DNAJB2: variants seen among roughly 807,000 people sequenced by gnomAD.
DNAJB2 encodes the protein DnaJ heat shock protein family (Hsp40) member B2.
A neutral mutation model predicts 33.3 loss-of-function variants in DNAJB2; 19 were observed. That is an observed-to-expected ratio of 0.57 (90% confidence interval 0.40 to 0.84). The LOEUF (loss-of-function observed/expected upper bound fraction) is 0.84, where lower values mean the gene tolerates loss of function less well. Ranked by LOEUF, DNAJB2 falls within the 40% of genes least tolerant of loss-of-function variation. The pLI is 0.00. For synonymous variants in DNAJB2, 172 were observed against 164.6 expected (o/e 1.04, Z -0.34); for missense variants, 368 against 430.9 (o/e 0.85, Z 1.29).
chr2:219,285,719 C>A lies in DNAJB2; in HGVS notation c.*732C>A, dbSNP rs1253895701. On this transcript the variant is annotated 3_prime_UTR_variant, in exon 9 of 9. Transcript: ENST00000336576. The stretch of plus-strand genomic sequence containing the variant: ...CAGCTGTCCAGATTCAGAACTGGAG[C>A]CCACTCCTCCTCCCTCTCGTTGCCT... 2 of 1,250,092 alleles carry A rather than the reference C, an allele frequency of 1.6e-6. No individual in the cohort carries two copies. Among genetic ancestry groups the A allele is most frequent in the African/African-American group, 1.5e-5 (1 of 65,976 alleles). 77.4% of individuals were successfully genotyped at this position (1,250,092 alleles called of 1,614,324 possible).
Position 219,285,145 on chromosome 2 carries a change from C to T in DNAJB2, c.*158C>T, listed in dbSNP as rs1350259799. 1 of 1,361,890 alleles carries T rather than the reference C, an allele frequency of 7.3e-7. No individual in the cohort carries two copies. Among genetic ancestry groups the T allele is most frequent in the Non-Finnish European group, 9.5e-7 (1 of 1,054,492 alleles). The allele number at this position is 1,361,890 out of a possible 1,614,324, so 84.4% of individuals were successfully genotyped here. ...CAGGCCCCCCACACCCCAGTGTGGA[C>T]TTGGGATTTGCTGTGCTCAGCCCAG... On this transcript the variant is annotated 3_prime_UTR_variant, in exon 9 of 9. Transcript: ENST00000336576.
chr2:219,281,929 G>A lies in DNAJB2; in HGVS notation c.230-10G>A, dbSNP rs3731897. On this transcript the variant is annotated splice_polypyrimidine_tract_variant and intron_variant, in intron 4 of 8. Transcript: ENST00000336576. Reference sequence around the variant, plus strand: ...ATGCCCTAAGCTCTCTCCTCATCCTGCCTTTCCAGGAACTGGCCCATCTCG... The same window carrying A: ...ATGCCCTAAGCTCTCTCCTCATCCTACCTTTCCAGGAACTGGCCCATCTCG... 261,227 of 1,613,740 alleles carry A rather than the reference G, an allele frequency of 0.16. 22,708 individuals are homozygous for A. The highest frequency in any genetic ancestry group is 0.27 in the Middle Eastern group (1,599 of 6,020).
Position 219,285,707 on chromosome 2 carries a change from T to G in DNAJB2, c.*720T>G. ...GCGGGAGCCTCTCAGCTGTCCAGAT[T>G]CAGAACTGGAGCCCACTCCTCCTCC... On this transcript the variant is annotated 3_prime_UTR_variant, in exon 9 of 9. Coordinates refer to ENST00000336576, the MANE Select transcript of DNAJB2 (RefSeq NM_006736.6). 2 of 1,225,714 alleles carry G rather than the reference T, an allele frequency of 1.6e-6. No individual in the cohort carries two copies. Among genetic ancestry groups the G allele is most frequent in the Non-Finnish European group, 2.0e-6 (2 of 977,932 alleles). 75.9% of individuals were successfully genotyped at this position (1,225,714 alleles called of 1,614,324 possible).
rs1951937115 is a variant in DNAJB2, at chr2:219,284,640, G to T, written c.628G>T (p.Asp210Tyr). The T allele has an allele frequency of 6.3e-7, 1 of 1,586,200 alleles. No individual in the cohort carries two copies. The highest frequency in any genetic ancestry group is 8.6e-7 in the Non-Finnish European group (1 of 1,161,900). Reference protein sequence around the residue: ...LKSVTINGVPDDLALGLELSR... With the variant: ...LKSVTINGVPYDLALGLELSR... ...GGCTGTGACTCTTGCAGGTGTCCCA[G>T]ATGACCTGGCACTGGGCTTGGAGCT... is the stretch of plus-strand genomic sequence containing the variant. The change falls in exon 9 of 9, where the codon GAT becomes TAT. Residue 210 changes from aspartate to tyrosine, a missense_variant. Physicochemically the swap from Asp to Tyr is radical, Grantham distance 160 (BLOSUM62 -3). Coordinates refer to ENST00000336576, the MANE Select transcript of DNAJB2 (RefSeq NM_006736.6).
chr2:219,283,387 G>C (rs1250896266), intron 7 of DNAJB2, 32 bp from the exon 8 acceptor site: 1 of 1,612,032 alleles, frequency 6.2e-7, no homozygotes. Flanking sequence ...TTCTGTCACT[G>C]CTCGTTGCCT....
chr2:219,282,293 T>TACTTGTA (rs1456200402), intron 5 of DNAJB2: 3 of 595,310 alleles, frequency 5.0e-6, no homozygotes, highest in Non-Finnish European at 8.8e-6. Flanking sequence ...ACAACAATAA[T>TACTTGTA]ACATTGTTAG....
At position 219,280,696 on chromosome 2, in the gene DNAJB2, C is replaced by A. The variant is rs776887529; in HGVS notation, c.175+9C>A. 6.2e-7 allele frequency: 1 copy of A among 1,600,418 alleles called. No individual in the cohort carries two copies. The highest frequency in any genetic ancestry group is 1.3e-5 in the African/African-American group (1 of 74,760). On this transcript the variant is annotated intron_variant, in intron 3 of 8. Coordinates refer to ENST00000336576, the MANE Select transcript of DNAJB2 (RefSeq NM_006736.6). ...TGAAGTGCTGTCTGACAGTAAGGGC[C>A]GGGGTCAGGCAGGACCCAGCACATC...
At chr2:219,280,548 G>A (rs1352861475) in intron 2 of DNAJB2, 30 bp from the exon 3 acceptor site, 30 of 1,578,554 alleles carry the variant, frequency 1.9e-5, no homozygotes, top group East Asian at 9.0e-5. Flanking sequence ...TTTGTCCCCC[G>A]ACTCTCTCCT....
At chr2:219,284,539 C>T in intron 8 of DNAJB2, 93 bp from the exon 9 acceptor site, 1 of 1,457,340 alleles carries the variant, frequency 6.9e-7, no homozygotes, top group East Asian at 2.3e-5. Flanking sequence ...AAATAAGAGA[C>T]TCTAAGTGGT....
Position 219,281,095 on chromosome 2 carries a change from T to G in DNAJB2, c.175+408T>G, listed in dbSNP as rs371981266. On this transcript the variant is annotated intron_variant, in intron 3 of 8. Coordinates refer to ENST00000336576, the MANE Select transcript of DNAJB2 (RefSeq NM_006736.6). Reference sequence around the variant, plus strand: ...CTGGAATATGAATCCAGGTCTGCCTTTTTATTGATTCATTCGAAAAGTAAT... The same window carrying G: ...CTGGAATATGAATCCAGGTCTGCCTGTTTATTGATTCATTCGAAAAGTAAT... 1.2e-3 allele frequency: 249 copies of G among 199,426 alleles called. 2 individuals are homozygous for G. In the South Asian group the frequency reaches 0.013, roughly 10 times the overall value. The allele number at this position is 199,426 out of a possible 1,614,324, so 12.4% of individuals were successfully genotyped here.
chr2:219,282,011 A>T lies in DNAJB2; in HGVS notation c.302A>T (p.Glu101Val), dbSNP rs1574900365. The change falls in exon 5 of 9, where the codon GAG (glutamate) becomes GTG (valine). Residue 101 changes from glutamate to valine, a missense_variant. Physicochemically the swap from Glu to Val is moderately radical, Grantham distance 121 (BLOSUM62 -2). Coordinates refer to ENST00000336576, the MANE Select transcript of DNAJB2 (RefSeq NM_006736.6). ...ACCTTCACCTTCCGCAGCCCCGAGGAGGTCTTCCGGGAATTCTTTGGGAGT... is the reference window on the plus strand; with the variant it reads ...ACCTTCACCTTCCGCAGCCCCGAGGTGGTCTTCCGGGAATTCTTTGGGAGT... ...GFTFTFRSPE[E>V]VFREFFGSGD... The T allele has an allele frequency of 3.7e-6, 6 of 1,614,090 alleles. No individual in the cohort carries two copies. In the East Asian group the frequency reaches 1.3e-4, roughly 36 times the overall value.
chr2:219,282,999 TC>T (rs1951919805), intron 6 of DNAJB2, 70 bp downstream of exon 6: 1 of 1,565,172 alleles, frequency 6.4e-7, no homozygotes, highest in African/African-American at 1.4e-5. Context: ...TTGTTGCTTT[TC>T]CAAGCCTGTC....
chr2:219,284,058 G>T (rs1490428766), intron 8 of DNAJB2, among the ~76,000 whole-genome samples: 1 of 152,138 alleles, frequency 6.6e-6, no homozygotes. Context: ...TTAATCATTG[G>T]AACAATTTGA....
chr2:219,280,594 C>G lies in DNAJB2; in HGVS notation c.82C>G (p.Leu28Val), dbSNP rs1429588942. ...TTTCTGCAGGTATCGGCGCAAGGCTCTCCAGTGGCACCCAGACAAAAACCC... is the reference window on the plus strand; with the variant it reads ...TTTCTGCAGGTATCGGCGCAAGGCTGTCCAGTGGCACCCAGACAAAAACCC... Reference protein sequence around the residue: ...DIKKAYRRKALQWHPDKNPDN... With the variant: ...DIKKAYRRKAVQWHPDKNPDN... Residue 28 changes from leucine (L) to valine (V), a missense_variant, in exon 3 of 9, where the codon CTC becomes GTC. Physicochemically the swap from Leu to Val is conservative, Grantham distance 32. Transcript: ENST00000336576. 2.5e-6 allele frequency: 4 copies of G among 1,614,096 alleles called. No homozygotes were observed. Among genetic ancestry groups the G allele is most frequent in the Non-Finnish European group, 3.4e-6 (4 of 1,180,016 alleles).
chr2:219,285,162 T>C lies in DNAJB2; in HGVS notation c.*175T>C. 7.4e-7 allele frequency: 1 copy of C among 1,350,692 alleles called. No homozygotes were observed. The highest frequency in any genetic ancestry group is 1.5e-5 in the African/African-American group (1 of 68,756). 83.7% of individuals were successfully genotyped at this position (1,350,692 alleles called of 1,614,324 possible). ...AGTGTGGACTTGGGATTTGCTGTGC[T>C]CAGCCCAGGGCTGATAGGTCCCTGG... is the stretch of plus-strand genomic sequence containing the variant. On this transcript the variant is annotated 3_prime_UTR_variant, in exon 9 of 9. Coordinates refer to ENST00000336576, the MANE Select transcript of DNAJB2 (RefSeq NM_006736.6).
chr2:219,284,900 G>A lies in DNAJB2; in HGVS notation c.888G>A (p.Leu296=), dbSNP rs186320309. 21 of 1,602,538 alleles carry A rather than the reference G, an allele frequency of 1.3e-5. No homozygotes were observed. The highest frequency in any genetic ancestry group is 1.7e-5 in the Non-Finnish European group (20 of 1,172,534). Residue 296 remains leucine (L), a synonymous_variant, in exon 9 of 9, where the codon TTG becomes TTA. Coordinates refer to ENST00000336576, the MANE Select transcript of DNAJB2 (RefSeq NM_006736.6). ...RPKAQHQDPG[L]GGTQEGARGE... ...AGGCCCAGCACCAAGATCCAGGCTT[G>A]GGGGGGACCCAGGAGGGTGCGAGGG... is the stretch of plus-strand genomic sequence containing the variant.
chr2:219,282,505 G>A (rs1056154192), intron 5 of DNAJB2: 4 of 373,210 alleles, frequency 1.1e-5, no homozygotes, highest in Admixed American at 4.4e-5. Flanking sequence ...ACAGTTAATA[G>A]CCCAGAGTCA....
In DNAJB2 at chr2:219,279,944, C is replaced by T. The variant is rs370352788; in HGVS notation, c.65+46C>T. 1.1e-5 allele frequency: 17 copies of T among 1,606,826 alleles called. No homozygotes were observed. In the African/African-American group the frequency reaches 2.1e-4, roughly 20 times the overall value. On this transcript the variant is annotated intron_variant, in intron 2 of 8. Transcript: ENST00000336576. This position sits in a 1 kb window ranked among gnomAD's most constrained non-coding sequence, Gnocchi z 4.9. ...CAGAAGACCTCTCACCCTCCACCCGCCACCACCATGGGGCACTTCAGAGTG... is the reference window on the plus strand; with the variant it reads ...CAGAAGACCTCTCACCCTCCACCCGTCACCACCATGGGGCACTTCAGAGTG...
Position 219,285,669 on chromosome 2 carries a change from C to T in DNAJB2, c.*682C>T, listed in dbSNP as rs1951948925. 4 of 1,171,460 alleles carry T rather than the reference C, an allele frequency of 3.4e-6. 1 individual carries two copies. The South Asian group carries it at 1.5e-4, about 43-fold the overall frequency. 72.6% of individuals were successfully genotyped at this position (1,171,460 alleles called of 1,614,324 possible). ...AGGGCTGTGAGATCTTCTGGGGAGG[C>T]TAGCCGGGTGGGGCGGGAGCCTCTC... On this transcript the variant is annotated 3_prime_UTR_variant, in exon 9 of 9. Coordinates refer to ENST00000336576, the MANE Select transcript of DNAJB2 (RefSeq NM_006736.6).
Sources: gnomAD v4.1 joint callset for allele counts (sites outside exome capture counted in the v4.1 genomes callset) on GRCh38, gnomAD v4.1.1 for gene constraint, Gnocchi (gnomAD v3.1) non-coding constraint, MANE v1.5 for transcripts, NCBI Gene and HGNC (gene_info 2026-07-23, HGNC 2026-07-21) for gene names.